The following PUDP variants were observed in gnomAD, a reference collection of about 807,000 sequenced individuals.
PUDP encodes pseudouridine-5'-phosphatase.
PUDP carries 8 observed loss-of-function variants against 9.4 expected under a neutral mutation model. The ratio of observed to expected loss-of-function variants is 0.85; its 90% confidence interval spans 0.50 to 1.53. PUDP has a LOEUF of 1.53. Among genes scored for constraint, PUDP ranks in the 40% most tolerant of loss-of-function variants. The pLI is 0.00. For missense variants in PUDP, 188 were observed against 189.7 expected, an observed-to-expected ratio of 0.99 and a Z score of 0.05; for synonymous variants, 99 against 80.7, an observed-to-expected ratio of 1.23 and a Z score of -1.22.
Position 7,141,297 on chromosome X carries a change from C to T in PUDP, c.61+6756G>A, listed in dbSNP as rs191548279. 3.2e-3 allele frequency among the ~76,000 whole-genome samples: 365 copies of T among 112,908 alleles called. 1 individual carries two copies. Among genetic ancestry groups the T allele is most frequent in the Non-Finnish European group, 5.0e-3 (268 of 53,405 alleles). ...GGAAAAGTTCTTGAAGGAAATTAAA[C>T]GTGCTACCCCAGTGAACACGTGAAT... On this transcript the variant is annotated intron_variant, in intron 1 of 3. Coordinates refer to ENST00000381077, the MANE Select transcript of PUDP (RefSeq NM_012080.5).
In PUDP at chrX:7,076,918, G is replaced by A. The variant is rs1298150322; in HGVS notation, c.510+302C>T. ...TAAGCCCCACATCATTAAAACCGCC[G>A]CTTCCCTGGAAAATGTCTGAATAGG... On this transcript the variant is annotated intron_variant, in intron 3 of 3. Transcript: ENST00000381077. Among the ~76,000 whole-genome samples, 5 of 111,778 alleles carry A rather than the reference G, an allele frequency of 4.5e-5. No homozygotes were observed. The East Asian group carries it at 1.1e-3, about 25-fold the overall frequency.
intron 1 of PUDP, among the ~76,000 whole-genome samples, chrX:7,112,654 CTG>C (rs1257658377): frequency 1.8e-5 from 2 of 111,944 alleles, no homozygotes; most frequent in Non-Finnish European, 3.8e-5. Context: ...TGTTAGCTGA[CTG>C]TGTGTGTGCA....
chrX:6,971,562 G>A (rs1177166457), intron 3 of PUDP, among the ~76,000 whole-genome samples: 5 of 101,650 alleles, frequency 4.9e-5, no homozygotes, highest in Admixed American at 3.3e-4. Flanking sequence ...GACTACAGGC[G>A]CCCACCACCA....
intron 3 of PUDP, among the ~76,000 whole-genome samples, chrX:6,881,964 CT>C (rs199805629): frequency 3.3e-4 from 33 of 99,573 alleles, no homozygotes; most frequent in Middle Eastern, 5.1e-3. Flanking sequence ...AGAGGAATCT[CT>C]TTTTTTTTTT....
intron 3 of PUDP, among the ~76,000 whole-genome samples, chrX:6,891,757 C>T (rs953671199): frequency 8.9e-6 from 1 of 112,122 alleles, no homozygotes; most frequent in Non-Finnish European, 1.9e-5. Context: ...GATGTATCAC[C>T]ATCTGCAGAG....
At chrX:6,855,897 T>TGCAG in intron 3 of PUDP, among the ~76,000 whole-genome samples, 1 of 111,394 alleles carries the variant, frequency 9.0e-6, no homozygotes, top group South Asian at 3.9e-4. Flanking sequence ...GGTTCCTCAG[T>TGCAG]GCAGGCCGTG....
intron 3 of PUDP, among the ~76,000 whole-genome samples, chrX:6,834,059 TG>T (rs1217318944): frequency 1.8e-5 from 2 of 111,965 alleles, no homozygotes; most frequent in Admixed American, 1.9e-4. Context: ...ATTATATAAC[TG>T]TACTCCTTAA....
chrX:6,822,690 GT>G (rs113740633), intron 3 of PUDP, among the ~76,000 whole-genome samples: 7,693 of 90,987 alleles, frequency 0.085, 265 homozygotes, highest in African/African-American at 0.13. Context: ...CTCCCAAAGT[GT>G]TTTTTTTTTT....
chrX:6,984,977 T>A (rs751672327), intron 1 of PUDP, among the ~76,000 whole-genome samples: 23 of 112,052 alleles, frequency 2.1e-4, no homozygotes, highest in Non-Finnish European at 3.6e-4. Flanking sequence ...ACTTGATATT[T>A]TTGCAAGTTT....
At chrX:7,101,516 A>T (rs937975054) in intron 2 of PUDP, among the ~76,000 whole-genome samples, 16 of 112,602 alleles carry the variant, frequency 1.4e-4, no homozygotes, top group African/African-American at 4.2e-4. Flanking sequence ...TCCATAAAAC[A>T]GATTCACTAG....
At position 6,720,136 on chromosome X, in the gene PUDP, G is replaced by A. The variant is rs187585436; in HGVS notation, n.128+1281C>T. 2.0e-4 allele frequency among the ~76,000 whole-genome samples: 20 copies of A among 101,070 alleles called. No individual in the cohort carries two copies. The East Asian group carries it at 5.8e-3, about 29-fold the overall frequency. 87.8% of individuals were successfully genotyped at this position (101,070 alleles called of 115,157 possible). The stretch of plus-strand genomic sequence containing the variant: ...TACATTTATTCATATATATATATAC[G>A]TGTGTATATATATGTGTGTATATAT... On this transcript the variant is annotated intron_variant and non_coding_transcript_variant, in intron 1 of 2. Coordinates refer to the PUDP transcript ENST00000438499.
intron 3 of PUDP, among the ~76,000 whole-genome samples, chrX:6,873,121 C>T (rs72609572): frequency 0.092 from 10,271 of 111,138 alleles, 609 homozygotes; most frequent in East Asian, 0.46. Flanking sequence ...GCGCTTTGGT[C>T]ATCAAACTTT....
intron 3 of PUDP, among the ~76,000 whole-genome samples, chrX:6,832,966 ACT>A (rs370109404): frequency 2.8e-4 from 29 of 103,324 alleles, no homozygotes; most frequent in Admixed American, 5.4e-4. Context: ...TGCTCATGTC[ACT>A]CTCTCTCTCT....
intron 3 of PUDP, among the ~76,000 whole-genome samples, chrX:6,860,394 C>T (rs1416678291): frequency 9.0e-6 from 1 of 110,889 alleles, no homozygotes; most frequent in Non-Finnish European, 1.9e-5. Flanking sequence ...CCTGTCTTGG[C>T]CTCCCAAATT....
At chrX:6,937,289 G>A (rs1340608734) in intron 3 of PUDP, among the ~76,000 whole-genome samples, 2 of 98,702 alleles carry the variant, frequency 2.0e-5, no homozygotes, top group Non-Finnish European at 4.1e-5. Flanking sequence ...CAGAGATATA[G>A]ATCAATGGAA....
intron 2 of PUDP, among the ~76,000 whole-genome samples, chrX:7,082,648 T>G (rs12832666): frequency 8.9e-6 from 1 of 112,560 alleles, no homozygotes; most frequent in South Asian, 3.7e-4. Flanking sequence ...GGATGCCACC[T>G]GGCTACCTGT....
intron 3 of PUDP, among the ~76,000 whole-genome samples, chrX:6,822,444 T>TC (rs1228671621): frequency 8.9e-6 from 1 of 112,510 alleles, no homozygotes; most frequent in East Asian, 2.8e-4. Context: ...TTTGTTTTTT[T>TC]GAGACGGAGT....
At position 7,147,173 on chromosome X, in the gene PUDP, T is replaced by C. The variant is rs933509062; in HGVS notation, c.61+880A>G. On this transcript the variant is annotated intron_variant, in intron 1 of 3. Transcript: ENST00000381077. ...CCAAGGGTTTCTTAATGCCTCGGAT[T>C]GATAGAGCAGCTGTTCTCAAACGTT... Among the ~76,000 whole-genome samples, 3 of 110,686 alleles carry C rather than the reference T, an allele frequency of 2.7e-5. No homozygotes were observed. In the South Asian group the frequency reaches 1.2e-3, roughly 43 times the overall value.
At chrX:7,046,095 G>C (rs1929979988), downstream of PUDP, among the ~76,000 whole-genome samples, 1 of 112,129 alleles carries the variant, frequency 8.9e-6, no homozygotes, top group Middle Eastern at 4.2e-3. Flanking sequence ...AATTAAAATT[G>C]ATAGTGAAAA....
Sources: allele counts gnomAD v4.1 joint callset (sites outside exome capture counted in the v4.1 genomes callset), GRCh38; gene constraint gnomAD v4.1.1; transcripts MANE v1.5; gene names NCBI Gene and HGNC (gene_info 2026-07-23, HGNC 2026-07-21).